BBX: variants seen among roughly 807,000 people sequenced by gnomAD.
The protein encoded by BBX is BBX high mobility group box domain containing.
A neutral mutation model predicts 100.2 loss-of-function variants in BBX; 30 were observed. The observed-to-expected ratio is 0.30, with a 90% CI of 0.22 to 0.41. The LOEUF is 0.41. BBX is among the 10% of genes least tolerant of loss of function. BBX has a pLI of 1.00. For synonymous variants in BBX, 376 were observed against 388.1 expected (o/e 0.97, Z 0.37); for missense variants, 1,023 against 1,129.8 (o/e 0.91, Z 1.35).
At chr3:107,678,973 TAC>T (rs2059431830) in intron 3 of BBX, among the ~76,000 whole-genome samples, 1 of 152,142 alleles carries the variant, frequency 6.6e-6, no homozygotes, top group Non-Finnish European at 1.5e-5. Flanking sequence ...TGCCCAAGAT[TAC>T]ACAGTTTGCA....
intron 9 of BBX, among the ~76,000 whole-genome samples, chr3:107,751,122 A>G (rs2065044700): frequency 6.6e-6 from 1 of 152,222 alleles, no homozygotes; most frequent in Non-Finnish European, 1.5e-5. Flanking sequence ...ATTATTGTTA[A>G]GGCATTTATT....
chr3:107,768,460 G>A (rs2066573948), intron 10 of BBX, among the ~76,000 whole-genome samples: 1 of 152,212 alleles, frequency 6.6e-6, no homozygotes, highest in African/African-American at 2.4e-5. Flanking sequence ...AAGTTTGGCA[G>A]AAGGCCCTGT....
intron 17 of BBX, among the ~76,000 whole-genome samples, chr3:107,802,775 C>T (rs1233342349): frequency 6.6e-6 from 1 of 152,200 alleles, no homozygotes; most frequent in Non-Finnish European, 1.5e-5. Flanking sequence ...TGTCTCTGCC[C>T]TCCACACTCC....
chr3:107,728,591 T>A (rs2063117851), intron 5 of BBX, among the ~76,000 whole-genome samples, 174 bp from the exon 6 acceptor site: 1 of 152,194 alleles, frequency 6.6e-6, no homozygotes, highest in African/African-American at 2.4e-5. Flanking sequence ...TAACTCCATG[T>A]CCTATCTCTA....
At chr3:107,625,374 C>A (rs562054361) in intron 2 of BBX, among the ~76,000 whole-genome samples, 1 of 152,166 alleles carries the variant, frequency 6.6e-6, no homozygotes, top group Non-Finnish European at 1.5e-5. Flanking sequence ...ACCACACACA[C>A]AGTAGCGATT....
chr3:107,764,272 G>A (rs896863174), intron 10 of BBX, among the ~76,000 whole-genome samples: 25 of 152,324 alleles, frequency 1.6e-4, no homozygotes, highest in African/African-American at 3.6e-4. Flanking sequence ...GATTACAGGC[G>A]TGAGCCACCA....
intron 2 of BBX, among the ~76,000 whole-genome samples, chr3:107,566,167 C>T (rs1230322684): frequency 2.0e-5 from 2 of 99,770 alleles, no homozygotes; most frequent in Non-Finnish European, 3.6e-5. Context: ...AAGAGCGAAA[C>T]TCTGTCTCAA....
intron 2 of BBX, among the ~76,000 whole-genome samples, chr3:107,609,924 C>T (rs1018681724): frequency 6.6e-6 from 1 of 151,722 alleles, no homozygotes; most frequent in African/African-American, 2.4e-5. Flanking sequence ...TTGGTTTGCC[C>T]TTACTTTTCT....
At chr3:107,732,269 T>C (rs568552313) in intron 6 of BBX, among the ~76,000 whole-genome samples, 2 of 152,310 alleles carry the variant, frequency 1.3e-5, no homozygotes, top group South Asian at 4.1e-4. Flanking sequence ...CACTTTGCTG[T>C]TTTTATTTTC....
chr3:107,690,045 T>G (rs2060061452), intron 3 of BBX, among the ~76,000 whole-genome samples: 1 of 152,174 alleles, frequency 6.6e-6, no homozygotes, highest in Non-Finnish European at 1.5e-5. Context: ...GCAAATAAGG[T>G]AGCCTAGGGT....
chr3:107,619,939 G>C (rs1398015894), intron 2 of BBX, among the ~76,000 whole-genome samples: 4 of 152,112 alleles, frequency 2.6e-5, no homozygotes, highest in Admixed American at 1.3e-4. Flanking sequence ...CTTTGCCACA[G>C]TTGGGAAGTT....
intron 13 of BBX, among the ~76,000 whole-genome samples, chr3:107,784,338 A>G (rs1190777356): frequency 1.3e-5 from 2 of 152,042 alleles, no homozygotes; most frequent in African/African-American, 4.8e-5. Flanking sequence ...CTCTCCACTC[A>G]GTAATGGCAG....
chr3:107,716,338 A>C, intron 4 of BBX: 1 of 345,388 alleles, frequency 2.9e-6, no homozygotes, highest in Non-Finnish European at 5.3e-6. Context: ...GTGAGAGAGA[A>C]AAAAATGTAA....
At chr3:107,639,708 G>A (rs1364671988) in intron 2 of BBX, among the ~76,000 whole-genome samples, 1 of 152,156 alleles carries the variant, frequency 6.6e-6, no homozygotes, top group East Asian at 1.9e-4. Context: ...TTCCACCATG[G>A]TCCCTGCAGC....
intron 2 of BBX, among the ~76,000 whole-genome samples, chr3:107,575,336 A>AT (rs2051692702): frequency 1.3e-5 from 2 of 152,182 alleles, no homozygotes; most frequent in East Asian, 3.8e-4. Context: ...ATCAGTTCAG[A>AT]TTTTTTTGAC....
At chr3:107,724,365 C>G (rs899188975) in intron 5 of BBX, among the ~76,000 whole-genome samples, 6 of 152,066 alleles carry the variant, frequency 3.9e-5, no homozygotes, top group Admixed American at 6.5e-5. Context: ...GTTGCCTGTT[C>G]ACTCTGATGG....
At chr3:107,747,344 A>G (rs1341362639) in intron 8 of BBX, among the ~76,000 whole-genome samples, 1 of 152,204 alleles carries the variant, frequency 6.6e-6, no homozygotes, top group African/African-American at 2.4e-5. Flanking sequence ...CATGCTAGGT[A>G]ACATCTTTTA....
intron 7 of BBX, among the ~76,000 whole-genome samples, chr3:107,743,688 A>T (rs938379885): frequency 2.6e-5 from 4 of 152,174 alleles, no homozygotes; most frequent in Non-Finnish European, 5.9e-5. Flanking sequence ...TTTCCATAGG[A>T]TTTATCCATC....
chr3:107,767,762 G>C (rs1009058342), intron 10 of BBX, among the ~76,000 whole-genome samples: 4 of 152,146 alleles, frequency 2.6e-5, no homozygotes, highest in Admixed American at 2.6e-4. Flanking sequence ...CCATCCCAGA[G>C]TCTCTTTGCC....
Sources: allele counts gnomAD v4.1 joint callset (sites outside exome capture counted in the v4.1 genomes callset), GRCh38; gene constraint gnomAD v4.1.1; transcripts MANE v1.5; gene names NCBI Gene and HGNC (gene_info 2026-07-23, HGNC 2026-07-21).